The following OSGEPL1 variants were observed in gnomAD, a reference collection of about 807,000 sequenced individuals.
OSGEPL1 encodes the protein O-sialoglycoprotein endopeptidase like 1, also known as tRNA N6-adenosine threonylcarbamoyltransferase, mitochondrial.
A neutral mutation model predicts 37.2 loss-of-function variants in OSGEPL1; 26 were observed. That is an observed-to-expected ratio of 0.70 (90% CI 0.51 to 0.97). The LOEUF is 0.97. OSGEPL1 is among the 50% of genes least tolerant of loss of function. The probability of loss-of-function intolerance (pLI) is 0.00; values close to 1 mark genes in which losing one functional copy is unlikely to be tolerated. For synonymous variants in OSGEPL1, 140 were observed against 159.9 expected, an observed-to-expected ratio of 0.88 and a Z score of 0.94; for missense variants, 404 against 487.0, an observed-to-expected ratio of 0.83 and a Z score of 1.60.
At chr2:189,756,312 G>GACAAATTTGCTAGCA (rs1188973008) in intron 2 of OSGEPL1, among the ~76,000 whole-genome samples, 1 of 152,026 alleles carries the variant, frequency 6.6e-6, no homozygotes, top group Non-Finnish European at 1.5e-5. Context: ...AGAACTAAGA[G>GACAAATTTGCTAGCA]ACAAATTTGC....
At chr2:189,755,824 A>G (rs921855814) in intron 2 of OSGEPL1, among the ~76,000 whole-genome samples, 1 of 152,214 alleles carries the variant, frequency 6.6e-6, no homozygotes, top group African/African-American at 2.4e-5. Flanking sequence ...CACCAAAATA[A>G]TCTTGTAAAG....
upstream of OSGEPL1, chr2:189,762,814 C>T: frequency 1.0e-6 from 1 of 985,518 alleles, no homozygotes; most frequent in Non-Finnish European, 1.2e-6. Flanking sequence ...TGTGCAAGGT[C>T]CCGTCCAGAG....
chr2:189,756,042 CAG>C (rs2046029561), intron 2 of OSGEPL1, among the ~76,000 whole-genome samples: 1 of 152,098 alleles, frequency 6.6e-6, no homozygotes, highest in Non-Finnish European at 1.5e-5. Flanking sequence ...TATAAAGGGA[CAG>C]GGGGACTAAG....
In OSGEPL1 at chr2:189,762,637, A is replaced by G. The variant is rs574444164; in HGVS notation, c.-21+48T>C. On this transcript the variant is annotated intron_variant, in intron 1 of 8. Coordinates refer to ENST00000264151, the MANE Select transcript of OSGEPL1 (RefSeq NM_022353.3). ...GGGCGCAAACTGGAACCGCTTTTCC[A>G]GGTGCGCAAAAGCGTCAGTGGGGTG... 19 of 985,446 alleles carry G rather than the reference A, an allele frequency of 1.9e-5. No homozygotes were observed. In the African/African-American group the frequency reaches 3.1e-4, roughly 16 times the overall value. The allele number at this position is 985,446 out of a possible 1,614,324, so 61.0% of individuals were successfully genotyped here.
At chr2:189,754,919 A>C (rs2045874099) in intron 3 of OSGEPL1, 1 of 460,836 alleles carries the variant, frequency 2.2e-6, no homozygotes, top group South Asian at 3.2e-5. Flanking sequence ...ATTTGGCAAA[A>C]TACATAACTG....
chr2:189,747,418 AT>A (rs2044311592), intron 8 of OSGEPL1: 1 of 152,024 alleles, frequency 6.6e-6, no homozygotes, highest in Admixed American at 6.6e-5. Context: ...TAAAACAAAA[AT>A]TTTTTAAAAG....
intron 2 of OSGEPL1, among the ~76,000 whole-genome samples, chr2:189,756,790 C>A (rs1371481333): frequency 1.3e-5 from 2 of 152,134 alleles, no homozygotes; most frequent in African/African-American, 4.8e-5. Context: ...ATTGTACTTT[C>A]CTAACTCTGT....
At chr2:189,763,159 A>G (rs2047363063), upstream of OSGEPL1, 1 of 985,228 alleles carries the variant, frequency 1.0e-6, no homozygotes, top group Non-Finnish European at 1.2e-6. Flanking sequence ...CTTAGGGGTG[A>G]GGTACCTGAT....
upstream of OSGEPL1, chr2:189,762,952 A>G: frequency 4.1e-6 from 4 of 985,340 alleles, no homozygotes; most frequent in Non-Finnish European, 4.8e-6. Flanking sequence ...GTTCTGTAAA[A>G]TTACACAGCT....
In OSGEPL1 at chr2:189,761,810, T is replaced by A. The variant is rs2047102380; in HGVS notation, c.-20-150A>T. On this transcript the variant is annotated intron_variant, in intron 1 of 8. Coordinates refer to ENST00000264151, the MANE Select transcript of OSGEPL1 (RefSeq NM_022353.3). ...TAGCAACATGGGAATATAAATAATA[T>A]TATGAATGAATATAATGTTCTCCAA... 3 of 748,838 alleles carry A rather than the reference T, an allele frequency of 4.0e-6. No individual in the cohort carries two copies. The East Asian group carries it at 1.0e-4, about 25-fold the overall frequency. 46.4% of individuals were successfully genotyped at this position (748,838 alleles called of 1,614,324 possible).
intron 8 of OSGEPL1, among the ~76,000 whole-genome samples, chr2:189,749,797 T>C (rs1200557551): frequency 6.6e-6 from 1 of 152,190 alleles, no homozygotes; most frequent in Non-Finnish European, 1.5e-5. Context: ...GAAAGTCAGC[T>C]TTTGTCTTGA....
chr2:189,752,415 C>T (rs573974157), intron 7 of OSGEPL1, among the ~76,000 whole-genome samples: 1 of 152,292 alleles, frequency 6.6e-6, no homozygotes, highest in East Asian at 1.9e-4. Context: ...GAATTCATCA[C>T]CCTTACTCAT....
In OSGEPL1 at chr2:189,762,717, C is replaced by G. The variant is rs1186063173; in HGVS notation, c.-53G>C. ...TTGGGCGGCAGTAGCTAGCACTTGT[C>G]TCCTTTCCCTACTAAAGACTGTCGA... On this transcript the variant is annotated 5_prime_UTR_variant, in exon 1 of 9. Coordinates refer to ENST00000264151, the MANE Select transcript of OSGEPL1 (RefSeq NM_022353.3). 1 of 985,268 alleles carries G rather than the reference C, an allele frequency of 1.0e-6. No homozygotes were observed. Among genetic ancestry groups the G allele is most frequent in the East Asian group, 1.1e-4 (1 of 8,802 alleles). The allele number at this position is 985,268 out of a possible 1,614,324, so 61.0% of individuals were successfully genotyped here.
chr2:189,755,214 C>G lies in OSGEPL1; in HGVS notation c.568G>C (p.Gly190Arg). The G allele has an allele frequency of 6.2e-7, 1 of 1,611,780 alleles. No homozygotes were observed. Among genetic ancestry groups the G allele is most frequent in the Non-Finnish European group, 8.5e-7 (1 of 1,179,364 alleles). Residue 190 changes from glycine to arginine, a missense_variant, in exon 3 of 9, where the codon GGA (glycine) becomes CGA (arginine). Coordinates refer to ENST00000264151, the MANE Select transcript of OSGEPL1 (RefSeq NM_022353.3). ...CCTGGTGCTATGTCCAAAGACTTTC[C>G]AAGAAGCAGAAAATCTGAAACTCCT... Reference protein sequence around the residue: ...VQGVSDFLLLGKSLDIAPGDM... With the variant: ...VQGVSDFLLLRKSLDIAPGDM...
Position 189,762,739 on chromosome 2 carries a change from T to G in OSGEPL1, c.-75A>C. ...TGTCTCCTTTCCCTACTAAAGACTG[T>G]CGACTGCCCTTATCGCTGCAGGAGA... On this transcript the variant is annotated 5_prime_UTR_variant, in exon 1 of 9. Transcript: ENST00000264151. 1.0e-6 allele frequency: 1 copy of G among 985,502 alleles called. No individual in the cohort carries two copies. Among genetic ancestry groups the G allele is most frequent in the East Asian group, 1.1e-4 (1 of 8,806 alleles). The allele number at this position is 985,502 out of a possible 1,614,324, so 61.0% of individuals were successfully genotyped here.
At chr2:189,757,353 G>A (rs2046231394) in intron 2 of OSGEPL1, among the ~76,000 whole-genome samples, 1 of 152,192 alleles carries the variant, frequency 6.6e-6, no homozygotes, top group South Asian at 2.1e-4. Flanking sequence ...GACTCCTCCT[G>A]CCAAGTAATC....
chr2:189,761,622 T>G lies in OSGEPL1; in HGVS notation c.19A>C (p.Thr7Pro), dbSNP rs367709308. 8.4e-5 allele frequency: 135 copies of G among 1,601,220 alleles called. No individual in the cohort carries two copies. Among genetic ancestry groups the G allele is most frequent in the Non-Finnish European group, 1.1e-4 (132 of 1,175,494 alleles). The change falls in exon 2 of 9, where the codon ACT (threonine) becomes CCT (proline). Residue 7 changes from threonine to proline, a missense_variant. Thr to Pro is a conservative substitution (Grantham distance 38). Transcript: ENST00000264151. MLILTKTAGVFFKPSKR... is the reference protein window; with the variant it reads MLILTKPAGVFFKPSKR... ...GATGGTTTAAAAAAAACTCCTGCAG[T>G]CTTAGTCAAGATTAGCATACTTACT...
chr2:189,762,743 C>T lies in OSGEPL1; in HGVS notation c.-79G>A, dbSNP rs2047312621. ...TCCTTTCCCTACTAAAGACTGTCGACTGCCCTTATCGCTGCAGGAGAAAGC... is the reference window on the plus strand; with the variant it reads ...TCCTTTCCCTACTAAAGACTGTCGATTGCCCTTATCGCTGCAGGAGAAAGC... On this transcript the variant is annotated 5_prime_UTR_variant, in exon 1 of 9. Transcript: ENST00000264151. 2 of 985,422 alleles carry T rather than the reference C, an allele frequency of 2.0e-6. No homozygotes were observed. Among genetic ancestry groups the T allele is most frequent in the South Asian group, 9.4e-5 (2 of 21,294 alleles). The allele number at this position is 985,422 out of a possible 1,614,324, so 61.0% of individuals were successfully genotyped here.
intron 7 of OSGEPL1, among the ~76,000 whole-genome samples, chr2:189,752,068 TG>T (rs779786409): frequency 6.6e-5 from 10 of 151,086 alleles, no homozygotes; most frequent in Non-Finnish European, 1.5e-4. Context: ...CACTTGAATA[TG>T]GGAAGCAGAG....
Sources: gnomAD v4.1 joint callset for allele counts (sites outside exome capture counted in the v4.1 genomes callset) on GRCh38, gnomAD v4.1.1 for gene constraint, MANE v1.5 for transcripts, NCBI Gene and HGNC (gene_info 2026-07-23, HGNC 2026-07-21) for gene names.